Variants in ZNF680 observed in about 807,000 individuals in gnomAD.
ZNF680 encodes zinc finger protein 680, also known as hypothetical protein FLJ90430.
A neutral mutation model predicts 12.1 loss-of-function variants in ZNF680; 6 were observed. That is an observed-to-expected ratio of 0.49 (90% CI 0.27 to 0.98). The LOEUF (loss-of-function observed/expected upper bound fraction) is 0.98. ZNF680 is among the 50% of genes least tolerant of loss of function. The pLI, the probability that ZNF680 is intolerant of heterozygous loss-of-function variation, is 0.12. For synonymous variants in ZNF680, 170 were observed against 199.3 expected, an observed-to-expected ratio of 0.85 and a Z score of 1.24; for missense variants, 561 against 616.3, an observed-to-expected ratio of 0.91 and a Z score of 0.95.
chr7:64,518,062 T>C (rs1482298417), downstream of ZNF680, among the ~76,000 whole-genome samples: 1 of 152,010 alleles, frequency 6.6e-6, no homozygotes, highest in Admixed American at 6.6e-5. Flanking sequence ...TTATTTAACA[T>C]AGCACTGAAG....
intron 3 of ZNF680, among the ~76,000 whole-genome samples, chr7:64,540,496 G>T (rs1786445486): frequency 6.6e-6 from 1 of 151,820 alleles, no homozygotes; most frequent in African/African-American, 2.4e-5. Context: ...GTAGAGATGG[G>T]GCTTCACCAT....
chr7:64,529,356 G>A (rs575396451), intron 3 of ZNF680, among the ~76,000 whole-genome samples: 2 of 152,240 alleles, frequency 1.3e-5, no homozygotes, highest in Admixed American at 6.5e-5. Context: ...TTAGTTATTA[G>A]GCTAATAAGA....
intron 1 of ZNF680, among the ~76,000 whole-genome samples, chr7:64,557,717 T>C (rs1787500900): frequency 6.6e-6 from 1 of 150,954 alleles, no homozygotes; most frequent in Non-Finnish European, 1.5e-5. Context: ...GTGAAACCCC[T>C]GTCTCTACTA....
chr7:64,517,728 A>T (rs768185827), downstream of ZNF680, among the ~76,000 whole-genome samples: 5 of 152,122 alleles, frequency 3.3e-5, no homozygotes, highest in Non-Finnish European at 5.9e-5. Context: ...ACAACATATC[A>T]AAAAGGTAAT....
chr7:64,521,970 C>T lies in ZNF680; in HGVS notation c.784G>A (p.Glu262Lys), dbSNP rs775942670. ...TCTTCACATTTGAAGGGTTTCTCTT[C>T]AATATGAATTTTCTTATGTTTAATA... ...TLIKHKKIHI[E>K]EKPFKCEECG... Residue 262 changes from glutamate (E) to lysine (K), a missense_variant, in exon 4 of 4, where the codon GAA (glutamate) becomes AAA (lysine). Coordinates refer to ENST00000309683, the MANE Select transcript of ZNF680 (RefSeq NM_178558.5). 5.0e-6 allele frequency: 8 copies of T among 1,612,342 alleles called. No individual in the cohort carries two copies. The Admixed American group carries it at 1.3e-4, about 27-fold the overall frequency.
chr7:64,521,879 T>G lies in ZNF680; in HGVS notation c.875A>C (p.Lys292Thr). 1 of 1,613,454 alleles carries G rather than the reference T, an allele frequency of 6.2e-7. No homozygotes were observed. Among genetic ancestry groups the G allele is most frequent in the Non-Finnish European group, 8.5e-7 (1 of 1,179,670 alleles). ...GTGACATTCATCACATTTGTAAGGTTTGTCTCCAGTATGAATTATCTTATG... is the reference window on the plus strand; with the variant it reads ...GTGACATTCATCACATTTGTAAGGTGTGTCTCCAGTATGAATTATCTTATG... Reference protein sequence around the residue: ...SKHKIIHTGDKPYKCDECHKA... With the variant: ...SKHKIIHTGDTPYKCDECHKA... The change falls in exon 4 of 4, where the codon AAA becomes ACA. Residue 292 changes from lysine to threonine, a missense_variant. Transcript: ENST00000309683.
chr7:64,544,946 C>T (rs1446834111), intron 1 of ZNF680, among the ~76,000 whole-genome samples: 1 of 152,072 alleles, frequency 6.6e-6, no homozygotes, highest in Non-Finnish European at 1.5e-5. Context: ...AGTATTTTGT[C>T]AAACATCCAC....
chr7:64,513,981 G>A, the ZNF680 span, among the ~76,000 whole-genome samples: 1 of 151,934 alleles, frequency 6.6e-6, no homozygotes, highest in Non-Finnish European at 1.5e-5. Context: ...GCTAGTAAAA[G>A]GTTTTGCTTT....
At chr7:64,501,183 T>C in the ZNF680 span, 1 of 872,280 alleles carries the variant, frequency 1.1e-6, no homozygotes, top group Non-Finnish European at 1.9e-6. Flanking sequence ...TCAGCTCCTC[T>C]CTTGACTTGG....
downstream of ZNF680, among the ~76,000 whole-genome samples, chr7:64,516,305 T>G (rs1248600946): frequency 6.6e-6 from 1 of 152,196 alleles, no homozygotes; most frequent in Non-Finnish European, 1.5e-5. Flanking sequence ...TTGCTAAAAC[T>G]ACATAGAACT....
intron 1 of ZNF680, among the ~76,000 whole-genome samples, chr7:64,556,329 C>T (rs1787416436): frequency 1.4e-5 from 2 of 147,962 alleles, no homozygotes; most frequent in Non-Finnish European, 3.0e-5. Flanking sequence ...ACCTGAATAG[C>T]CAAGGCAATC....
At chr7:64,512,895 T>C in the ZNF680 span, among the ~76,000 whole-genome samples, 1 of 152,196 alleles carries the variant, frequency 6.6e-6, no homozygotes, top group East Asian at 1.9e-4. Context: ...TATGTAACTT[T>C]AATCTTTAAA....
chr7:64,500,212 G>T, the ZNF680 span, among the ~76,000 whole-genome samples: 1 of 151,704 alleles, frequency 6.6e-6, no homozygotes, highest in Admixed American at 6.6e-5. Flanking sequence ...ATTTCCCCTG[G>T]GAACACAGCT....
At chr7:64,510,639 G>C in the ZNF680 span, among the ~76,000 whole-genome samples, 1 of 151,450 alleles carries the variant, frequency 6.6e-6, no homozygotes, top group African/African-American at 2.4e-5. Flanking sequence ...GGCCGGGCGC[G>C]GTGGTTCACG....
intron 3 of ZNF680, among the ~76,000 whole-genome samples, chr7:64,531,939 G>C (rs1464425219): frequency 3.9e-5 from 6 of 152,026 alleles, no homozygotes; most frequent in African/African-American, 1.4e-4. Flanking sequence ...AAATAATCAA[G>C]ATTAGAGCAA....
At chr7:64,501,700 G>A in the ZNF680 span, 1 of 1,058,684 alleles carries the variant, frequency 9.4e-7, no homozygotes, top group South Asian at 1.2e-5. Flanking sequence ...GGATGACAGA[G>A]ACAGCGCCAA....
chr7:64,551,299 A>G (rs1787062098), intron 1 of ZNF680, among the ~76,000 whole-genome samples: 1 of 152,112 alleles, frequency 6.6e-6, no homozygotes, highest in Non-Finnish European at 1.5e-5. Context: ...CATTTTGGCT[A>G]TTTACATTTT....
intron 1 of ZNF680, among the ~76,000 whole-genome samples, chr7:64,545,216 A>G (rs953324219): frequency 7.0e-6 from 1 of 142,090 alleles, no homozygotes; most frequent in Non-Finnish European, 1.5e-5. Flanking sequence ...GTGAACTGAG[A>G]CTGCGCCAGT....
chr7:64,517,991 A>G (rs1791388685), downstream of ZNF680, among the ~76,000 whole-genome samples: 1 of 152,132 alleles, frequency 6.6e-6, no homozygotes, highest in Admixed American at 6.5e-5. Flanking sequence ...TGAACAGGGT[A>G]AAGTTGAAAG....
Sources: gnomAD v4.1 joint callset for allele counts (sites outside exome capture counted in the v4.1 genomes callset) on GRCh38, gnomAD v4.1.1 for gene constraint, MANE v1.5 for transcripts, NCBI Gene and HGNC (gene_info 2026-07-23, HGNC 2026-07-21) for gene names.